STK24: variants seen among roughly 807,000 people sequenced by gnomAD.
STK24 encodes the protein serine/threonine kinase 24, also known as serine/threonine-protein kinase 24.
A neutral mutation model predicts 55.6 loss-of-function variants in STK24; 21 were observed. That is an observed-to-expected ratio of 0.38 (90% CI 0.27 to 0.54). The LOEUF is 0.54. Ranked by LOEUF, STK24 falls within the 20% of genes least tolerant of loss-of-function variation. The probability of loss-of-function intolerance (pLI) is 0.79; values close to 1 mark genes in which losing one functional copy is unlikely to be tolerated. For synonymous variants in STK24, 200 were observed against 215.2 expected (o/e 0.93, Z 0.62); for missense variants, 383 against 538.4 (o/e 0.71, Z 2.86).
chr13:98,540,747 A>C (rs1353439409), intron 1 of STK24, among the ~76,000 whole-genome samples: 1 of 142,642 alleles, frequency 7.0e-6, no homozygotes, highest in East Asian at 2.0e-4. Flanking sequence ...TGAGTGGTTA[A>C]GCTAAATATT....
rs1566345851 is a variant in STK24, at chr13:98,461,771, T to C, written c.1053+3A>G. Reference sequence around the variant, plus strand: ...GTGGCCATTCTGGAGTGAGCAGACGTACCTTATTTCTGTCCAAGTCCGATG... The same window carrying C: ...GTGGCCATTCTGGAGTGAGCAGACGCACCTTATTTCTGTCCAAGTCCGATG... On this transcript the variant is annotated splice_donor_region_variant and intron_variant, in intron 8 of 10. Coordinates refer to ENST00000539966, the MANE Select transcript of STK24 (RefSeq NM_001032296.4). 1 of 1,613,840 alleles carries C rather than the reference T, an allele frequency of 6.2e-7. No homozygotes were observed.
intron 5 of STK24, among the ~76,000 whole-genome samples, chr13:98,467,870 C>T (rs1353729901): frequency 6.6e-6 from 1 of 152,076 alleles, no homozygotes; most frequent in Non-Finnish European, 1.5e-5. Context: ...GGACAGAGGC[C>T]GACAATGAGG....
chr13:98,511,285 T>C (rs147632411), intron 2 of STK24, among the ~76,000 whole-genome samples: 12 of 152,266 alleles, frequency 7.9e-5, no homozygotes, highest in African/African-American at 2.9e-4. Context: ...ATTAGGGAAA[T>C]GCAAATTAAA....
At position 98,521,675 on chromosome 13, in the gene STK24, G is replaced by T. The variant is rs74109156; in HGVS notation, c.43-2202C>A. On this transcript the variant is annotated intron_variant, in intron 1 of 10. Transcript: ENST00000539966. ...CAAGCTGCTAGGATGAGCAGCTTTC[G>T]GGGATGCGGGGGAAGCAGCGCATCC... 2.6e-4 allele frequency: 183 copies of T among 694,130 alleles called. No individual in the cohort carries two copies. In the African/African-American group the frequency reaches 3.0e-3, roughly 11 times the overall value. 43.0% of individuals were successfully genotyped at this position (694,130 alleles called of 1,614,324 possible).
rs1417290261 is a variant in STK24, at chr13:98,486,290, G to A, written c.274-3969C>T. Among the ~76,000 whole-genome samples, 6 of 152,144 alleles carry A rather than the reference G, an allele frequency of 3.9e-5. No homozygotes were observed. The East Asian group carries it at 5.8e-4, about 15-fold the overall frequency. ...GCCCATACATGTGGGCCGCACTCGC[G>A]CCACACCCCTGCAGCACTGCACTGG... On this transcript the variant is annotated intron_variant, in intron 2 of 10. Transcript: ENST00000539966.
intron 10 of STK24, chr13:98,456,057 T>C (rs1451440811): frequency 1.3e-5 from 2 of 153,658 alleles, no homozygotes; most frequent in African/African-American, 4.8e-5. Context: ...CGTCCTTCAA[T>C]TGCCTCAAAA....
chr13:98,542,858 G>A (rs17574578), intron 1 of STK24: 1 of 617,164 alleles, frequency 1.6e-6, no homozygotes, highest in Non-Finnish European at 2.0e-6. Context: ...ATGTCCGTAA[G>A]AGGTCAGTTG....
chr13:98,531,373 G>A (rs1896575482), intron 1 of STK24, among the ~76,000 whole-genome samples: 1 of 152,166 alleles, frequency 6.6e-6, no homozygotes, highest in African/African-American at 2.4e-5. Flanking sequence ...GTGCTCTTTT[G>A]TGGGCAGTTT....
intron 6 of STK24, among the ~76,000 whole-genome samples, chr13:98,464,077 T>A (rs1051036898): frequency 7.9e-5 from 12 of 152,232 alleles, no homozygotes; most frequent in African/African-American, 2.2e-4. Flanking sequence ...TAAATACATT[T>A]TCACAGAAAA....
At chr13:98,469,543 C>A (rs34187339) in intron 5 of STK24, among the ~76,000 whole-genome samples, 27 of 136,358 alleles carry the variant, frequency 2.0e-4, no homozygotes, top group East Asian at 6.9e-4. Context: ...ATCCCCCCCC[C>A]CAAAAAAAAA....
At chr13:98,504,359 G>C (rs141503782) in intron 2 of STK24, among the ~76,000 whole-genome samples, 1 of 152,328 alleles carries the variant, frequency 6.6e-6, no homozygotes, top group Non-Finnish European at 1.5e-5. Context: ...CTGTAGCTTT[G>C]CTCTGGGAAA....
At position 98,448,281 on chromosome 13, in the gene STK24, C is replaced by G. The variant is rs375647782; in HGVS notation, c.*4892G>C. ...GTGCCACCAGCTCTGCCTCGCGACC[C>G]CACGTGTTGAGTCACAAAGAGTCTC... is the stretch of plus-strand genomic sequence containing the variant. On this transcript the variant is annotated 3_prime_UTR_variant, in exon 11 of 11. Transcript: ENST00000539966. 6.2e-7 allele frequency: 1 copy of G among 1,614,176 alleles called. No individual in the cohort carries two copies. The highest frequency in any genetic ancestry group is 8.5e-7 in the Non-Finnish European group (1 of 1,179,986).
In STK24 at chr13:98,460,455, A is replaced by G. The variant is rs770903124; in HGVS notation, c.1054-15T>C. On this transcript the variant is annotated splice_polypyrimidine_tract_variant and intron_variant, in intron 8 of 10. Coordinates refer to ENST00000539966, the MANE Select transcript of STK24 (RefSeq NM_001032296.4). ...ATGTCTTTCATCTTGGGGGAGAGGG[A>G]AAAAAAGGTCATCAGAAACAGTTGA... The G allele has an allele frequency of 7.6e-6, 12 of 1,584,020 alleles. No individual in the cohort carries two copies. The East Asian group carries it at 1.4e-4, about 18-fold the overall frequency.
At chr13:98,473,761 G>A (rs1338248924) in intron 5 of STK24, among the ~76,000 whole-genome samples, 6 of 152,204 alleles carry the variant, frequency 3.9e-5, no homozygotes, top group Admixed American at 6.5e-5. Flanking sequence ...ACAGTGAGAC[G>A]GGCTCACTCC....
chr13:98,535,117 G>T (rs946154050), intron 1 of STK24, among the ~76,000 whole-genome samples: 5 of 152,238 alleles, frequency 3.3e-5, no homozygotes, highest in African/African-American at 1.2e-4. Context: ...GAGAGGCTGG[G>T]GCAGGCGGAT....
intron 1 of STK24, among the ~76,000 whole-genome samples, chr13:98,525,141 C>T (rs1332315749): frequency 6.6e-6 from 1 of 152,282 alleles, no homozygotes; most frequent in East Asian, 1.9e-4. Flanking sequence ...CAAAGAGGCC[C>T]TCTTTCAAAT....
intron 1 of STK24, among the ~76,000 whole-genome samples, chr13:98,563,798 T>C (rs960374026): frequency 2.0e-4 from 31 of 151,230 alleles, no homozygotes; most frequent in African/African-American, 6.8e-4. Flanking sequence ...AGGCGGAGCT[T>C]GTAGTGAGCT....
In STK24 at chr13:98,463,716, C is replaced by A; in HGVS notation, c.904G>T (p.Asp302Tyr). The change falls in exon 7 of 11, where the codon GAC (aspartate) becomes TAC (tyrosine). Residue 302 changes from aspartate (D) to tyrosine (Y), a missense_variant. Asp to Tyr is a radical substitution (Grantham distance 160). Coordinates refer to ENST00000539966, the MANE Select transcript of STK24 (RefSeq NM_001032296.4). ...KRWKAEQSHD[D>Y]SSSEDSDAET... ...GCGTCGGAATCCTCGGAGCTCGAGTCGTCATGGCTCTGCTCGGCCTTCCAT... is the reference window on the plus strand; with the variant it reads ...GCGTCGGAATCCTCGGAGCTCGAGTAGTCATGGCTCTGCTCGGCCTTCCAT... 2.5e-6 allele frequency: 4 copies of A among 1,614,076 alleles called. No individual in the cohort carries two copies. The highest frequency in any genetic ancestry group is 1.3e-5 in the African/African-American group (1 of 75,046).
At chr13:98,480,618 T>C (rs534952942) in intron 3 of STK24, among the ~76,000 whole-genome samples, 1 of 152,364 alleles carries the variant, frequency 6.6e-6, no homozygotes, top group East Asian at 1.9e-4. Context: ...ATTATTTTTA[T>C]GGTTTATAAT....
Sources: allele counts gnomAD v4.1 joint callset (sites outside exome capture counted in the v4.1 genomes callset), GRCh38; gene constraint gnomAD v4.1.1; transcripts MANE v1.5; gene names NCBI Gene and HGNC (gene_info 2026-07-23, HGNC 2026-07-21).